Variants in KLHL32 observed in about 807,000 individuals in gnomAD.
KLHL32 encodes kelch like family member 32, also known as kelch-like protein 32.
KLHL32 carries 35 observed loss-of-function variants against 64.8 expected under a neutral mutation model. The observed-to-expected ratio is 0.54, with a 90% CI of 0.41 to 0.72. The LOEUF (loss-of-function observed/expected upper bound fraction) is 0.72, where lower values mean the gene tolerates loss of function less well. Among genes scored for constraint, KLHL32 ranks in the 30% least tolerant of loss-of-function variants. The probability of loss-of-function intolerance (pLI) is 0.00; values close to 1 mark genes in which losing one functional copy is unlikely to be tolerated. For synonymous variants in KLHL32, 259 were observed against 281.0 expected (o/e 0.92, Z 0.78); for missense variants, 589 against 768.5 (o/e 0.77, Z 2.76).
In KLHL32 at chr6:96,987,093, T is replaced by C. The variant is rs937523347; in HGVS notation, c.204+10916T>C. On this transcript the variant is annotated intron_variant, in intron 3 of 10. Transcript: ENST00000369261. ...TTTTTTATTGCATCTATTTCATTCT[T>C]CTCTCTTTTCTTCTTTATTAGTCTT... is the stretch of plus-strand genomic sequence containing the variant. Among the ~76,000 whole-genome samples the C allele has an allele frequency of 8.5e-5, 13 of 152,346 alleles. 1 individual carries two copies. The highest frequency in any genetic ancestry group is 7.2e-4 in the Admixed American group (11 of 15,308).
rs1491534331 is a variant in KLHL32, at chr6:97,039,513, TTG to T, written c.205-1977_205-1976del. On this transcript the variant is annotated intron_variant, in intron 3 of 10. Coordinates refer to ENST00000369261, the MANE Select transcript of KLHL32 (RefSeq NM_052904.4). ...AGTGACTATAGTTTACAGTAATCTA[TTG>T]TACACTTGAAAATAGCTAGAAGACA... 1.5e-4 allele frequency among the ~76,000 whole-genome samples: 22 copies of T among 145,702 alleles called. 6 individuals are homozygous for T. The highest frequency in any genetic ancestry group is 2.7e-4 in the Admixed American group (4 of 14,914).
intron 4 of KLHL32, among the ~76,000 whole-genome samples, chr6:97,047,622 G>A (rs1786132384): frequency 1.3e-5 from 2 of 152,164 alleles, no homozygotes; most frequent in South Asian, 2.1e-4. Flanking sequence ...CTGTGGCCAA[G>A]TTTTTTCATG....
chr6:97,118,637 A>G (rs564221161), intron 7 of KLHL32, among the ~76,000 whole-genome samples: 1 of 138,618 alleles, frequency 7.2e-6, no homozygotes, highest in South Asian at 2.5e-4. Context: ...AAAAAAAAGA[A>G]TTGTAGACAA....
intron 10 of KLHL32, among the ~76,000 whole-genome samples, chr6:97,134,197 AGAG>A (rs1472279523): frequency 6.6e-6 from 1 of 152,194 alleles, no homozygotes; most frequent in Non-Finnish European, 1.5e-5. Context: ...AGAAAGTAGA[AGAG>A]GAGAGATGAT....
At chr6:97,037,238 ATAAAT>A (rs1314839699) in intron 3 of KLHL32, among the ~76,000 whole-genome samples, 1 of 152,088 alleles carries the variant, frequency 6.6e-6, no homozygotes, top group East Asian at 1.9e-4. Context: ...AGGTTTAACT[ATAAAT>A]TAAGCTCTCA....
intron 3 of KLHL32, among the ~76,000 whole-genome samples, chr6:96,977,338 A>G (rs990950105): frequency 5.3e-5 from 8 of 152,238 alleles, no homozygotes; most frequent in African/African-American, 1.4e-4. Context: ...ATCGAAATCT[A>G]TGTTTGACTC....
Position 97,114,189 on chromosome 6 carries a change from G to T in KLHL32, c.1034G>T (p.Gly345Val). 6.2e-7 allele frequency: 1 copy of T among 1,614,162 alleles called. No homozygotes were observed. Residue 345 changes from glycine (G) to valine (V), a missense_variant, in exon 7 of 11, where the codon GGG becomes GTG. Physicochemically the swap from Gly to Val is moderately radical, Grantham distance 109. Around this residue, in one of 3 missense-constraint regions of KLHL32, gnomAD observed 226 missense variants for 353.2 expected, o/e 0.64. Coordinates refer to ENST00000369261, the MANE Select transcript of KLHL32 (RefSeq NM_052904.4). The stretch of plus-strand genomic sequence containing the variant: ...AGCCACCATTGTGTGGCAGTCATGG[G>T]GGACTTCCTGTTTGTGGCAGGAGGG... Reference protein sequence around the residue: ...GRSHHCVAVMGDFLFVAGGEV... With the variant: ...GRSHHCVAVMVDFLFVAGGEV...
chr6:97,079,474 C>A (rs1438909916), intron 5 of KLHL32, among the ~76,000 whole-genome samples: 1 of 152,168 alleles, frequency 6.6e-6, no homozygotes, highest in African/African-American at 2.4e-5. Flanking sequence ...ACAATATTTG[C>A]CTTTCCCATA....
At chr6:96,988,914 T>C (rs1249383598) in intron 3 of KLHL32, among the ~76,000 whole-genome samples, 3 of 147,096 alleles carry the variant, frequency 2.0e-5, no homozygotes, top group Non-Finnish European at 4.5e-5. Context: ...TGAGAACACA[T>C]GGAGACAGGA....
At chr6:97,118,353 T>C (rs1798013655) in intron 7 of KLHL32, among the ~76,000 whole-genome samples, 1 of 152,218 alleles carries the variant, frequency 6.6e-6, no homozygotes, top group Admixed American at 6.5e-5. Context: ...GTGCAGTGGC[T>C]CACGCCAGTA....
intron 8 of KLHL32, among the ~76,000 whole-genome samples, chr6:97,129,152 T>C (rs1166149923): frequency 1.3e-5 from 2 of 152,216 alleles, no homozygotes; most frequent in Admixed American, 1.3e-4. Context: ...TTTTCTTGAG[T>C]GTATCTTTAA....
At chr6:97,014,323 G>A (rs1355809428) in intron 3 of KLHL32, among the ~76,000 whole-genome samples, 1 of 150,690 alleles carries the variant, frequency 6.6e-6, no homozygotes, top group South Asian at 2.1e-4. Context: ...TTCTTTTTTC[G>A]TATCTGTAAA....
At chr6:97,012,219 G>A (rs1780501431) in intron 3 of KLHL32, among the ~76,000 whole-genome samples, 6 of 152,174 alleles carry the variant, frequency 3.9e-5, no homozygotes, top group Admixed American at 3.9e-4. Context: ...AATTTCTGGA[G>A]CCTGTAATAA....
chr6:97,089,426 T>C (rs1444417607), intron 6 of KLHL32, among the ~76,000 whole-genome samples: 1 of 152,242 alleles, frequency 6.6e-6, no homozygotes, highest in African/African-American at 2.4e-5. Flanking sequence ...TGTTTTCCTT[T>C]AATTATTAAT....
intron 1 of KLHL32, among the ~76,000 whole-genome samples, chr6:96,936,482 C>T (rs1770616377): frequency 6.6e-6 from 1 of 152,194 alleles, no homozygotes; most frequent in African/African-American, 2.4e-5. Flanking sequence ...ACCTTGGAAA[C>T]ATCCTTAGCT....
intron 3 of KLHL32, among the ~76,000 whole-genome samples, chr6:96,999,219 C>T (rs552909511): frequency 1.0e-3 from 153 of 152,168 alleles, no homozygotes; most frequent in African/African-American, 3.6e-3. Context: ...GACATAGGGA[C>T]ACCCCATCTC....
chr6:97,015,241 A>G (rs560219585), intron 3 of KLHL32, among the ~76,000 whole-genome samples: 2 of 152,334 alleles, frequency 1.3e-5, no homozygotes, highest in South Asian at 4.1e-4. Context: ...CAGGAAATTG[A>G]TACTGCAGAG....
At chr6:97,138,774 C>T (rs1172364213) in intron 10 of KLHL32, among the ~76,000 whole-genome samples, 1 of 152,162 alleles carries the variant, frequency 6.6e-6, no homozygotes, top group African/African-American at 2.4e-5. Context: ...TTTAAGCCAA[C>T]ATTATGTCAG....
intron 3 of KLHL32, among the ~76,000 whole-genome samples, chr6:96,991,388 G>T (rs184588705): frequency 1.3e-5 from 2 of 151,854 alleles, no homozygotes; most frequent in Non-Finnish European, 2.9e-5. Context: ...TGGTGGCTGG[G>T]TGTGCTAGGG....
Sources: gnomAD v4.1 joint callset for allele counts (sites outside exome capture counted in the v4.1 genomes callset) on GRCh38, gnomAD v4.1.1 for gene constraint, gnomAD v4.1.1 regional missense constraint, MANE v1.5 for transcripts, NCBI Gene and HGNC (gene_info 2026-07-23, HGNC 2026-07-21) for gene names.